VPS39: variants seen among roughly 807,000 people sequenced by gnomAD.
VPS39 encodes vam6/Vps39-like protein.
In VPS39, 70 loss-of-function variants were observed where a neutral mutation model predicts 121.0. The observed-to-expected ratio is 0.58, with a 90% CI of 0.48 to 0.71. The LOEUF (loss-of-function observed/expected upper bound fraction) is 0.71. VPS39 is among the 30% of genes least tolerant of loss of function. The pLI, the probability that VPS39 is intolerant of heterozygous loss-of-function variation, is 0.00. For synonymous variants in VPS39, 378 were observed against 398.1 expected (o/e 0.95, Z 0.60); for missense variants, 818 against 1,051.5 (o/e 0.78, Z 3.07).
At position 42,161,851 on chromosome 15, in the gene VPS39, T is replaced by C. The variant is rs1007156010; in HGVS notation, c.2461-78A>G. Reference sequence around the variant, plus strand: ...CAGGAGGCAGAGGCCAGCAACTGTGTCCTCTTTCAGTCGTCACAGATTCTT... The same window carrying C: ...CAGGAGGCAGAGGCCAGCAACTGTGCCCTCTTTCAGTCGTCACAGATTCTT... On this transcript the variant is annotated intron_variant, in intron 23 of 24. Transcript: ENST00000318006. The C allele has an allele frequency of 3.2e-6, 5 of 1,579,848 alleles. No homozygotes were observed. The African/African-American group carries it at 5.4e-5, about 17-fold the overall frequency.
chr15:42,164,525 C>T (rs2140836718), intron 18 of VPS39, 39 bp from the exon 19 acceptor site: 1 of 1,610,830 alleles, frequency 6.2e-7, no homozygotes, highest in East Asian at 2.2e-5. Context: ...AGGACACTGC[C>T]AGGTGGCAAT....
intron 24 of VPS39, chr15:42,161,254 A>G: frequency 6.4e-6 from 2 of 311,238 alleles, no homozygotes; most frequent in Non-Finnish European, 1.2e-5. Flanking sequence ...TCCTTTGAAG[A>G]AAAGGGGACT....
intron 20 of VPS39, 58 bp downstream of exon 20, chr15:42,163,568 C>G: frequency 1.9e-6 from 3 of 1,553,558 alleles, no homozygotes. Context: ...TAACTCTCAT[C>G]TCTCTGCAGG....
intron 1 of VPS39, among the ~76,000 whole-genome samples, chr15:42,205,911 C>T (rs953474972): frequency 6.6e-6 from 1 of 152,076 alleles, no homozygotes; most frequent in Non-Finnish European, 1.5e-5. Context: ...CAGTGTAAAA[C>T]AGAATGAAAG....
intron 12 of VPS39, among the ~76,000 whole-genome samples, chr15:42,169,478 A>G (rs959247154): frequency 1.3e-5 from 2 of 152,190 alleles, no homozygotes; most frequent in African/African-American, 4.8e-5. Flanking sequence ...AGTTTCTATA[A>G]CAGCTTTGTG....
At chr15:42,201,351 A>C (rs1363566394) in intron 1 of VPS39, among the ~76,000 whole-genome samples, 1 of 152,086 alleles carries the variant, frequency 6.6e-6, no homozygotes, top group Non-Finnish European at 1.5e-5. Flanking sequence ...ATTTTTTAAA[A>C]AATGTTTATA....
Position 42,162,375 on chromosome 15 carries a change from A to G in VPS39, c.2282T>C (p.Leu761Pro). The G allele has an allele frequency of 6.2e-7, 1 of 1,612,688 alleles. No homozygotes were observed. The highest frequency in any genetic ancestry group is 8.5e-7 in the Non-Finnish European group (1 of 1,179,416). Residue 761 changes from leucine to proline, a missense_variant, in exon 22 of 25, where the codon CTG becomes CCG. Physicochemically the swap from Leu to Pro is moderately conservative, Grantham distance 98 (BLOSUM62 -3). Coordinates refer to ENST00000318006, the MANE Select transcript of VPS39 (RefSeq NM_015289.5). ...LEPKANLQAA[L>P]QVLELHHSKL... is the part of the protein sequence containing the mutation. The stretch of plus-strand genomic sequence containing the variant: ...GCTGTGGTGTAGCTCGAGGACCTGC[A>G]GAGCGGCCTGGAGGTTGGCTTTTGG...
intron 8 of VPS39, among the ~76,000 whole-genome samples, chr15:42,180,670 A>T (rs764882223): frequency 6.6e-6 from 1 of 152,228 alleles, no homozygotes; most frequent in Non-Finnish European, 1.5e-5. Context: ...CTGAATAAGG[A>T]TCTGCTTTAC....
intron 16 of VPS39, 85 bp from the exon 17 acceptor site, chr15:42,165,901 A>T: frequency 7.4e-7 from 1 of 1,352,180 alleles, no homozygotes; most frequent in Non-Finnish European, 1.1e-6. Context: ...GCAGGGATCA[A>T]ACAGACTTTA....
rs376361986 is a variant in VPS39, at chr15:42,189,819, T to TTTTTTTTC, written c.248-612_248-611insGAAAAAAA. 8.5e-5 allele frequency among the ~76,000 whole-genome samples: 7 copies of TTTTTTTTC among 82,706 alleles called. 1 individual carries two copies. Among genetic ancestry groups the TTTTTTTTC allele is most frequent in the Non-Finnish European group, 1.4e-4 (6 of 42,846 alleles). The allele number at this position is 82,706 out of a possible 152,430, so 54.3% of individuals were successfully genotyped here. On this transcript the variant is annotated intron_variant, in intron 4 of 24. Transcript: ENST00000318006. ...CTTTTTTTTTTTTTTTTTTTTTTTTTTGAGGCACGGTCTCACTCTGTTGCC... is the reference window on the plus strand; with the variant it reads ...CTTTTTTTTTTTTTTTTTTTTTTTTTTTTTTTTCTGAGGCACGGTCTCACTCTGTTGCC...
chr15:42,207,297 T>C (rs2050194000), intron 1 of VPS39, among the ~76,000 whole-genome samples: 1 of 152,198 alleles, frequency 6.6e-6, no homozygotes, highest in Admixed American at 6.5e-5. Context: ...AAGTTAGAAA[T>C]GATTTCCTTG....
At chr15:42,167,271 T>C in intron 13 of VPS39, 123 bp downstream of exon 13, 1 of 1,298,648 alleles carries the variant, frequency 7.7e-7, no homozygotes, top group East Asian at 2.4e-5. Context: ...TCTATATGGT[T>C]TCCAGAATCA....
intron 2 of VPS39, among the ~76,000 whole-genome samples, chr15:42,195,698 C>T (rs1430560185): frequency 6.6e-6 from 1 of 152,184 alleles, no homozygotes; most frequent in Non-Finnish European, 1.5e-5. Context: ...AAGAACATTC[C>T]ATGATCATGG....
At chr15:42,169,608 C>T (rs1451372601) in intron 12 of VPS39, 116 bp downstream of exon 12, 3 of 1,200,166 alleles carry the variant, frequency 2.5e-6, no homozygotes, top group Non-Finnish European at 3.4e-6. Flanking sequence ...AGACTTCCTA[C>T]AGCATTAATT....
At chr15:42,168,053 A>G (rs1679010) in intron 12 of VPS39, among the ~76,000 whole-genome samples, 47,390 of 152,102 alleles carry the variant, frequency 0.31, 11,338 homozygotes, top group African/African-American at 0.65. Context: ...TCCTCGTGCT[A>G]TTCCCAAACA....
chr15:42,203,012 A>AC (rs1487362950), intron 1 of VPS39, among the ~76,000 whole-genome samples: 13 of 151,822 alleles, frequency 8.6e-5, no homozygotes, highest in African/African-American at 3.1e-4. Flanking sequence ...TTTTTAATTT[A>AC]CTTTTTTTTT....
rs1344457619 is a variant in VPS39, at chr15:42,173,802, G to A, written c.1011C>T (p.Ile337=). ...DSEKQQQIHH[I]KNLYAFNLFC... is the part of the protein sequence containing the mutation. ...AGAGGTTGAAGGCATACAAGTTCTT[G>A]ATGTGATGAATTTGTTGCTGCTTTT... is the stretch of plus-strand genomic sequence containing the variant. The change falls in exon 11 of 25, where the codon ATC becomes ATT. Residue 337 remains isoleucine, a synonymous_variant. Coordinates refer to ENST00000318006, the MANE Select transcript of VPS39 (RefSeq NM_015289.5). 7 of 1,614,172 alleles carry A rather than the reference G, an allele frequency of 4.3e-6. No individual in the cohort carries two copies. In the Admixed American group the frequency reaches 1.0e-4, roughly 23 times the overall value.
chr15:42,164,728 G>A, intron 18 of VPS39: 1 of 1,430,044 alleles, frequency 7.0e-7, no homozygotes, highest in Non-Finnish European at 9.1e-7. Flanking sequence ...TTTCTTATCA[G>A]TATAGCTGTC....
rs746951230 is a variant in VPS39 at position 42,165,033 on chromosome 15, T to G, written c.1860A>C (p.Gln620His). ...ACAGGAGATACTCCTTCATCAGACC[T>G]TGCACCTTCTCACAGTATAGCTGGA... is the stretch of plus-strand genomic sequence containing the variant. ...CLIQLYCEKV[Q>H]GLMKEYLLSF... The change falls in exon 18 of 25, where the codon CAA (glutamine) becomes CAC (histidine). Residue 620 changes from glutamine (Q) to histidine (H), a missense_variant. Gln to His is a conservative substitution (Grantham distance 24). Transcript: ENST00000318006. The G allele has an allele frequency of 3.5e-5, 57 of 1,614,114 alleles. No homozygotes were observed. The Admixed American group carries it at 9.3e-4, about 26-fold the overall frequency.
Sources: allele counts gnomAD v4.1 joint callset (sites outside exome capture counted in the v4.1 genomes callset), GRCh38; gene constraint gnomAD v4.1.1; transcripts MANE v1.5; gene names NCBI Gene and HGNC (gene_info 2026-07-23, HGNC 2026-07-21).